Variants in STK3 observed in about 807,000 individuals in gnomAD.
The protein encoded by STK3 is serine/threonine kinase 3, also known as serine/threonine-protein kinase 3.
Under a neutral mutation model 58.0 loss-of-function variants are expected in STK3, and 41 were observed. That is an observed-to-expected ratio of 0.71 (90% CI 0.55 to 0.92). The LOEUF is 0.92. Among genes scored for constraint, STK3 ranks in the 40% least tolerant of loss-of-function variants. The probability of loss-of-function intolerance (pLI) is 0.00; values close to 1 mark genes in which losing one functional copy is unlikely to be tolerated. For missense variants in STK3, 479 were observed against 602.7 expected, an observed-to-expected ratio of 0.79 and a Z score of 2.15; for synonymous variants, 170 against 191.0, an observed-to-expected ratio of 0.89 and a Z score of 0.91.
At chr8:98,618,241 A>T (rs1817938108) in intron 6 of STK3, among the ~76,000 whole-genome samples, 2 of 150,722 alleles carry the variant, frequency 1.3e-5, no homozygotes, top group African/African-American at 2.4e-5. Context: ...GATGCAGAAA[A>T]AGCCTTTGAC....
At position 98,658,884 on chromosome 8, in the gene STK3, T is replaced by C. The variant is rs373884010; in HGVS notation, c.684+47583A>G. Reference sequence around the variant, plus strand: ...ACACTGACCTGTTTATGTTAAAATATTATATGGCTTTAGAAAAAAATTATG... The same window carrying C: ...ACACTGACCTGTTTATGTTAAAATACTATATGGCTTTAGAAAAAAATTATG... On this transcript the variant is annotated intron_variant, in intron 6 of 10. Transcript: ENST00000419617. Among the ~76,000 whole-genome samples the C allele has an allele frequency of 5.3e-5, 8 of 152,112 alleles. 1 individual carries two copies. The highest frequency in any genetic ancestry group is 3.3e-4 in the Admixed American group (5 of 15,252).
intron 9 of STK3, among the ~76,000 whole-genome samples, chr8:98,531,811 T>A (rs1316818165): frequency 6.6e-6 from 1 of 152,352 alleles, no homozygotes; most frequent in African/African-American, 2.4e-5. Flanking sequence ...TTTGTACTTG[T>A]ATGGTCTGGA....
At chr8:98,704,040 GAAC>G (rs1401640613) in intron 6 of STK3, among the ~76,000 whole-genome samples, 2 of 152,044 alleles carry the variant, frequency 1.3e-5, no homozygotes, top group East Asian at 3.9e-4. Context: ...ACATATCAAA[GAAC>G]AACAATAATC....
chr8:98,820,706 G>A (rs1204247593), intron 1 of STK3, among the ~76,000 whole-genome samples: 9 of 152,184 alleles, frequency 5.9e-5, no homozygotes, highest in South Asian at 2.1e-4. Flanking sequence ...TCGGCTGCGC[G>A]GTAACTCAAG....
chr8:98,397,708 G>A (rs1273058076), downstream of STK3, among the ~76,000 whole-genome samples: 1 of 152,074 alleles, frequency 6.6e-6, no homozygotes, highest in Non-Finnish European at 1.5e-5. Context: ...CCCACTTGTT[G>A]AAGGAGGAAC....
intron 6 of STK3, among the ~76,000 whole-genome samples, chr8:98,704,616 G>T (rs1825844126): frequency 6.6e-6 from 1 of 151,196 alleles, no homozygotes; most frequent in African/African-American, 2.4e-5. Flanking sequence ...TGCAATACAG[G>T]TATATTTTTT....
downstream of STK3, chr8:98,881,658 C>G (rs1263768748): frequency 6.6e-6 from 1 of 152,122 alleles, no homozygotes; most frequent in Admixed American, 6.6e-5. Context: ...GTACTTTTCA[C>G]TCATTTGTTC....
At chr8:98,702,001 T>C (rs1046652088) in intron 6 of STK3, among the ~76,000 whole-genome samples, 3 of 152,220 alleles carry the variant, frequency 2.0e-5, no homozygotes, top group Non-Finnish European at 2.9e-5. Flanking sequence ...AAAAGCTTTA[T>C]ATGTTTCAAT....
chr8:98,452,849 C>A (rs867039037), downstream of STK3, among the ~76,000 whole-genome samples: 1 of 150,544 alleles, frequency 6.6e-6, no homozygotes, highest in South Asian at 2.1e-4. Context: ...CAACCTCCGC[C>A]TTCCAGGTTC....
At position 98,795,629 on chromosome 8, in the gene STK3, A is replaced by G. The variant is rs1833109351; in HGVS notation, c.27-20810T>C. 1.3e-5 allele frequency among the ~76,000 whole-genome samples: 2 copies of G among 152,286 alleles called. 1 individual carries two copies. Among genetic ancestry groups the G allele is most frequent in the Middle Eastern group, 6.8e-3 (2 of 292 alleles). On this transcript the variant is annotated intron_variant, in intron 1 of 10. Transcript: ENST00000419617. ...ATCTCTTCACGGAAAATATGGTTCT[A>G]TACCTAGAAAACCTGAAAGGCTCCA...
rs149148725 is a variant in STK3 at position 98,552,027 on chromosome 8, T to C, written c.949-3866A>G. Reference sequence around the variant, plus strand: ...TCTGGGACTAAGAAACAAGTTCTTTTATTTCTTAGCCCATTATTCTACTAT... The same window carrying C: ...TCTGGGACTAAGAAACAAGTTCTTTCATTTCTTAGCCCATTATTCTACTAT... On this transcript the variant is annotated intron_variant, in intron 8 of 10. Transcript: ENST00000419617. 9.2e-3 allele frequency among the ~76,000 whole-genome samples: 1,397 copies of C among 152,230 alleles called. 17 individuals are homozygous for C. The highest frequency in any genetic ancestry group is 0.032 in the African/African-American group (1,320 of 41,540).
intron 6 of STK3, among the ~76,000 whole-genome samples, chr8:98,695,349 A>C (rs1047843310): frequency 6.6e-5 from 10 of 152,106 alleles, no homozygotes; most frequent in African/African-American, 2.2e-4. Flanking sequence ...TCTTTAGTTT[A>C]ATTAGATCCC....
At chr8:98,520,558 C>G (rs1825276132) in intron 10 of STK3, among the ~76,000 whole-genome samples, 1 of 150,832 alleles carries the variant, frequency 6.6e-6, no homozygotes, top group Admixed American at 6.6e-5. Flanking sequence ...ATTTTTTTTT[C>G]TTAGAACCCA....
chr8:98,698,656 G>C (rs945208187), intron 6 of STK3, among the ~76,000 whole-genome samples: 3 of 152,330 alleles, frequency 2.0e-5, no homozygotes, highest in African/African-American at 4.8e-5. Context: ...ATTCTGGGTT[G>C]AAAATTCTTT....
chr8:98,434,443 T>C (rs1818413839), intron 2 of STK3: 1 of 152,244 alleles, frequency 6.6e-6, no homozygotes, highest in African/African-American at 2.4e-5. Flanking sequence ...ACACGGTTAT[T>C]ATCTCCTCCT....
chr8:98,390,353 A>G (rs556083395), upstream of STK3, among the ~76,000 whole-genome samples: 2 of 152,290 alleles, frequency 1.3e-5, no homozygotes, highest in Admixed American at 1.3e-4. Flanking sequence ...ATGTTGTGCC[A>G]CTTTGTTTTT....
intron 2 of STK3, among the ~76,000 whole-genome samples, chr8:98,771,489 T>C (rs1831311791): frequency 6.6e-6 from 1 of 152,140 alleles, no homozygotes; most frequent in South Asian, 2.1e-4. Context: ...GTATTTTCTA[T>C]TTTCTTTAGT....
rs183262398 is a variant in STK3 at position 98,666,459 on chromosome 8, T to G, written c.684+40008A>C. Among the ~76,000 whole-genome samples the G allele has an allele frequency of 6.8e-3, 1,040 of 152,304 alleles. 8 individuals are homozygous for G. Among genetic ancestry groups the G allele is most frequent in the African/African-American group, 0.023 (971 of 41,586 alleles). On this transcript the variant is annotated intron_variant, in intron 6 of 10. Coordinates refer to ENST00000419617, the MANE Select transcript of STK3 (RefSeq NM_006281.4). ...TTCTATATACAGTTATACCTAATCA[T>G]GTTAAGTGTAGAGATTTAGCCTCAT...
At chr8:98,436,187 C>G (rs1818481828) in intron 2 of STK3, among the ~76,000 whole-genome samples, 1 of 152,072 alleles carries the variant, frequency 6.6e-6, no homozygotes, top group African/African-American at 2.4e-5. Context: ...CTCTGCTTTT[C>G]CCTCCCATCA....
Sources: gnomAD v4.1 joint callset for allele counts (sites outside exome capture counted in the v4.1 genomes callset) on GRCh38, gnomAD v4.1.1 for gene constraint, MANE v1.5 for transcripts, NCBI Gene and HGNC (gene_info 2026-07-23, HGNC 2026-07-21) for gene names.